CTBP1: variants seen among roughly 807,000 people sequenced by gnomAD.
CTBP1 encodes the protein C-terminal binding protein 1, also known as C-terminal-binding protein 1.
CTBP1 carries 11 observed loss-of-function variants against 42.1 expected under a neutral mutation model. That is an observed-to-expected ratio of 0.26 (90% CI 0.16 to 0.43). The LOEUF (loss-of-function observed/expected upper bound fraction) is 0.43, where lower values mean the gene tolerates loss of function less well. Ranked by LOEUF, CTBP1 falls within the 20% of genes least tolerant of loss-of-function variation. The probability of loss-of-function intolerance (pLI) is 1.00; values close to 1 mark genes in which losing one functional copy is unlikely to be tolerated. For missense variants in CTBP1, 399 were observed against 624.3 expected (o/e 0.64, Z 3.85); for synonymous variants, 324 against 277.1 (o/e 1.17, Z -1.68).
rs1731219678 is a variant in CTBP1 at position 1,233,917 on chromosome 4, G to GC, written c.162+4265dup. On this transcript the variant is annotated intron_variant, in intron 3 of 9. Coordinates refer to ENST00000382952, the MANE Select transcript of CTBP1 (RefSeq NM_001012614.2). The surrounding 1 kb of genome is among the most constrained non-coding windows in gnomAD (Gnocchi z 4.6). ...AAAGCCTGGAGACAGGGAGCCTGCG[G>GC]CCCCGCTGCCCTCTCCACAGCCACG... Among the ~76,000 whole-genome samples the GC allele has an allele frequency of 1.3e-5, 2 of 152,236 alleles. No individual in the cohort carries two copies. The highest frequency in any genetic ancestry group is 1.3e-4 in the Admixed American group (2 of 15,282).
In CTBP1 at chr4:1,238,213, G is replaced by A. The variant is rs553993690; in HGVS notation, c.132C>T (p.Asp44=). The A allele has an allele frequency of 5.3e-5, 86 of 1,612,928 alleles. No individual in the cohort carries two copies. Among genetic ancestry groups the A allele is most frequent in the Admixed American group, 5.0e-4 (30 of 60,028 alleles). ...LKDVATVAFC[D]AQSTQEIHEK... ...CATGGATCTCCTGCGTGGACTGCGCGTCGCAGAAGGCCACAGTGGCCACGT... is the reference window on the plus strand; with the variant it reads ...CATGGATCTCCTGCGTGGACTGCGCATCGCAGAAGGCCACAGTGGCCACGT... The change falls in exon 3 of 10, where the codon GAC becomes GAT. Residue 44 remains aspartate, a synonymous_variant. Coordinates refer to ENST00000382952, the MANE Select transcript of CTBP1 (RefSeq NM_001012614.2). The surrounding 1 kb of genome is among the most constrained non-coding windows in gnomAD (Gnocchi z 5.9).
chr4:1,244,242 G>A lies in CTBP1; in HGVS notation c.-188-2723C>T, dbSNP rs972677488. On this transcript the variant is annotated intron_variant, in intron 1 of 9. Coordinates refer to ENST00000382952, the MANE Select transcript of CTBP1 (RefSeq NM_001012614.2). ...CTCCGCCCCGATCCACGTGTGTGCT[G>A]GGCATCGGTCCATTCTGGTCTGGAG... The A allele has an allele frequency of 9.1e-6, 9 of 985,128 alleles. No individual in the cohort carries two copies. The South Asian group carries it at 2.8e-4, about 31-fold the overall frequency. 61.0% of individuals were successfully genotyped at this position (985,128 alleles called of 1,614,324 possible). A position where few individuals can be genotyped will look rare whatever the true frequency, so the allele number is the denominator to read the frequency against.
rs1731842801 is a variant in CTBP1, at chr4:1,238,750, T to C, written c.8-413A>G. ...ACCCTCTGAGACTCCCCAAGACATTTCCAGACCCACCGAGACACCTCCCGA... is the reference window on the plus strand; with the variant it reads ...ACCCTCTGAGACTCCCCAAGACATTCCCAGACCCACCGAGACACCTCCCGA... On this transcript the variant is annotated intron_variant, in intron 2 of 9. Coordinates refer to ENST00000382952, the MANE Select transcript of CTBP1 (RefSeq NM_001012614.2). The surrounding 1 kb of genome is among the most constrained non-coding windows in gnomAD (Gnocchi z 5.9). Among the ~76,000 whole-genome samples, 1 of 136,358 alleles carries C rather than the reference T, an allele frequency of 7.3e-6. No individual in the cohort carries two copies. The highest frequency in any genetic ancestry group is 7.2e-5 in the Admixed American group (1 of 13,880). The allele number at this position is 136,358 out of a possible 152,430, so 89.5% of individuals were successfully genotyped here.
Position 1,212,227 on chromosome 4 carries a change from A to T in CTBP1, c.*13T>A, listed in dbSNP as rs1391827412. 1.2e-5 allele frequency: 17 copies of T among 1,434,366 alleles called. No homozygotes were observed. The highest frequency in any genetic ancestry group is 2.9e-5 in the Admixed American group (1 of 34,700). The allele number at this position is 1,434,366 out of a possible 1,614,324, so 88.9% of individuals were successfully genotyped here. On this transcript the variant is annotated 3_prime_UTR_variant, in exon 10 of 10. Transcript: ENST00000382952. ...CTCTGCCCAGGCGCCGAGGCTGGAG[A>T]GCTCCTCCCGGGCTACAACTGGTCA... is the stretch of plus-strand genomic sequence containing the variant.
At chr4:1,247,705 T>C (rs1732865188) in intron 1 of CTBP1, among the ~76,000 whole-genome samples, 2 of 149,962 alleles carry the variant, frequency 1.3e-5, no homozygotes, top group Non-Finnish European at 3.0e-5. Flanking sequence ...CCAGCGCCGT[T>C]TTCTTCCCGA....
intron 1 of CTBP1, chr4:1,243,210 G>A (rs1732364419): frequency 2.0e-6 from 2 of 985,282 alleles, no homozygotes; most frequent in Non-Finnish European, 2.4e-6. Context: ...CATCAATGCT[G>A]CTCAATGCTT....
At chr4:1,227,137 G>A (rs1730436693) in intron 4 of CTBP1, among the ~76,000 whole-genome samples, 1 of 152,094 alleles carries the variant, frequency 6.6e-6, no homozygotes, top group African/African-American at 2.4e-5. Flanking sequence ...GTACATGGAT[G>A]CAGACACATG....
At chr4:1,228,423 C>A (rs1730612995) in intron 3 of CTBP1, 80 bp from the exon 4 acceptor site, 1 of 1,523,524 alleles carries the variant, frequency 6.6e-7, no homozygotes, top group Non-Finnish European at 8.9e-7. Context: ...GCTGCCCCGG[C>A]TGGGAAATTA....
At chr4:1,221,180 G>A (rs1729695924) in intron 5 of CTBP1, among the ~76,000 whole-genome samples, 1 of 152,252 alleles carries the variant, frequency 6.6e-6, no homozygotes, top group African/African-American at 2.4e-5. Flanking sequence ...GGTGCTCCGA[G>A]TGGCCAAGGG....
In CTBP1 at chr4:1,228,062, G is replaced by C. The variant is rs578237488; in HGVS notation, c.307+137C>G. The C allele has an allele frequency of 4.9e-6, 6 of 1,216,926 alleles. No homozygotes were observed. In the Admixed American group the frequency reaches 8.4e-5, roughly 17 times the overall value. 75.4% of individuals were successfully genotyped at this position (1,216,926 alleles called of 1,614,324 possible). A position where few individuals can be genotyped will look rare whatever the true frequency, so the allele number is the denominator to read the frequency against. ...TGCAACCTCATGCCGGCCCCAGACG[G>C]GACCACGAACCACCGCCAGCCACAC... On this transcript the variant is annotated intron_variant, in intron 4 of 9. Coordinates refer to ENST00000382952, the MANE Select transcript of CTBP1 (RefSeq NM_001012614.2).
At chr4:1,234,372 T>C (rs187804891) in intron 3 of CTBP1, among the ~76,000 whole-genome samples, 1 of 152,206 alleles carries the variant, frequency 6.6e-6, no homozygotes, top group Non-Finnish European at 1.5e-5. Context: ...TAGGGGCTGC[T>C]TCAGGCCCCT....
Position 1,215,974 on chromosome 4 carries a change from T to TC in CTBP1, c.729+16dup. 6.3e-7 allele frequency: 1 copy of TC among 1,596,314 alleles called. No individual in the cohort carries two copies. Among genetic ancestry groups the TC allele is most frequent in the Non-Finnish European group, 8.5e-7 (1 of 1,173,198 alleles). On this transcript the variant is annotated intron_variant, in intron 6 of 9. Transcript: ENST00000382952. ...TGCCCCGCAGAAGTAGAGTCCTGTG[T>TC]CCCCGGCTCCACGCACCTGCTTGAC... is the stretch of plus-strand genomic sequence containing the variant.
chr4:1,221,950 G>A (rs1729784522), intron 5 of CTBP1: 3 of 332,622 alleles, frequency 9.0e-6, no homozygotes, highest in Non-Finnish European at 1.2e-5. Context: ...AGCAGAGGAA[G>A]CGGCCGCCCC....
intron 1 of CTBP1, chr4:1,245,702 C>A (rs987395571): frequency 1.0e-6 from 1 of 979,806 alleles, no homozygotes; most frequent in Non-Finnish European, 1.2e-6. Flanking sequence ...GTGGCACGGG[C>A]GGGCAGGATG....
chr4:1,224,753 G>C (rs986684709), intron 5 of CTBP1, among the ~76,000 whole-genome samples: 1 of 151,296 alleles, frequency 6.6e-6, no homozygotes, highest in African/African-American at 2.4e-5. Context: ...TGTGTTATCT[G>C]TGTGTGCCCG....
chr4:1,242,219 C>T (rs1732251038), intron 1 of CTBP1: 2 of 985,308 alleles, frequency 2.0e-6, no homozygotes, highest in Non-Finnish European at 2.4e-6. Context: ...GAGGGCCAAG[C>T]CTTCCAGTAG....
chr4:1,245,509 G>A lies in CTBP1; in HGVS notation c.-189+3407C>T, dbSNP rs1181688692. 6.1e-6 allele frequency: 6 copies of A among 985,300 alleles called. No homozygotes were observed. In the South Asian group the frequency reaches 1.9e-4, roughly 31 times the overall value. 61.0% of individuals were successfully genotyped at this position (985,300 alleles called of 1,614,324 possible). On this transcript the variant is annotated intron_variant, in intron 1 of 9. Coordinates refer to ENST00000382952, the MANE Select transcript of CTBP1 (RefSeq NM_001012614.2). ...GAGGCTCCTGCCAGCCACGCAGACA[G>A]GGCAGCCCAGGAGCCCCCACACCAC...
At chr4:1,241,564 C>A in intron 1 of CTBP1, 45 bp from the exon 2 acceptor site, 1 of 1,525,300 alleles carries the variant, frequency 6.6e-7, no homozygotes, top group Non-Finnish European at 8.8e-7. Flanking sequence ...CATCGAAGGT[C>A]CGACCAGAAC....
chr4:1,245,036 G>A, intron 1 of CTBP1: 1 of 985,456 alleles, frequency 1.0e-6, no homozygotes, highest in Non-Finnish European at 1.2e-6. Context: ...TGGGCTGAGA[G>A]CACGGGGCCA....
Sources: gnomAD v4.1 joint callset for allele counts (sites outside exome capture counted in the v4.1 genomes callset) on GRCh38, gnomAD v4.1.1 for gene constraint, Gnocchi (gnomAD v3.1) non-coding constraint, MANE v1.5 for transcripts, NCBI Gene and HGNC (gene_info 2026-07-23, HGNC 2026-07-21) for gene names.